VEGFC: variants seen among roughly 807,000 people sequenced by gnomAD.
VEGFC encodes the protein vascular endothelial growth factor C.
VEGFC carries 12 observed loss-of-function variants against 46.1 expected under a neutral mutation model. The ratio of observed to expected loss-of-function variants is 0.26; its 90% CI spans 0.17 to 0.42. The LOEUF is 0.42. Ranked by LOEUF, VEGFC falls within the 10% of genes least tolerant of loss-of-function variation. The pLI is 1.00. For synonymous variants in VEGFC, 232 were observed against 195.5 expected (o/e 1.19, Z -1.56); for missense variants, 488 against 529.4 (o/e 0.92, Z 0.77).
At chr4:176,688,014 C>A in intron 4 of VEGFC, 87 bp from the exon 5 acceptor site, 6 of 654,262 alleles carry the variant, frequency 9.2e-6, no homozygotes, top group South Asian at 2.4e-5. Flanking sequence ...CAAAATAATG[C>A]TCATAGAAAA....
At chr4:176,785,274 C>T (rs1385901373) in intron 1 of VEGFC, among the ~76,000 whole-genome samples, 1 of 152,176 alleles carries the variant, frequency 6.6e-6, no homozygotes, top group Non-Finnish European at 1.5e-5. Flanking sequence ...AGTCAAACCA[C>T]ATCTTTCTGG....
intron 4 of VEGFC, among the ~76,000 whole-genome samples, chr4:176,695,065 A>G: frequency 7.5e-6 from 1 of 133,792 alleles, no homozygotes; most frequent in African/African-American, 3.0e-5. Context: ...TCACAATTAA[A>G]AGAACTAGAA....
intron 1 of VEGFC, among the ~76,000 whole-genome samples, chr4:176,775,192 T>C (rs1735794680): frequency 6.6e-6 from 1 of 152,164 alleles, no homozygotes; most frequent in Non-Finnish European, 1.5e-5. Flanking sequence ...ATAAAACCTT[T>C]AATCATTTCA....
intron 3 of VEGFC, among the ~76,000 whole-genome samples, chr4:176,724,071 C>T (rs1734834937): frequency 1.3e-5 from 2 of 152,172 alleles, no homozygotes; most frequent in Admixed American, 1.3e-4. Flanking sequence ...TTCTGTTCCT[C>T]TCCAGAAACA....
At chr4:176,789,812 A>G (rs938410654) in intron 1 of VEGFC, among the ~76,000 whole-genome samples, 7 of 152,186 alleles carry the variant, frequency 4.6e-5, no homozygotes, top group South Asian at 2.1e-4. Flanking sequence ...GCATGGCTTT[A>G]CGGGTGGGCT....
rs143661360 is a variant in VEGFC at position 176,701,663 on chromosome 4, T to C, written c.704+9836A>G. On this transcript the variant is annotated intron_variant, in intron 4 of 6. Coordinates refer to ENST00000618562, the MANE Select transcript of VEGFC (RefSeq NM_005429.5). The stretch of plus-strand genomic sequence containing the variant: ...TCCATTCACATCAACAGGTGATCCT[T>C]TGAAGTGTGAGACAATGTTTAGATA... Among the ~76,000 whole-genome samples, 101 of 152,276 alleles carry C rather than the reference T, an allele frequency of 6.6e-4. No homozygotes were observed. The East Asian group carries it at 0.014, about 21-fold the overall frequency.
At chr4:176,702,996 G>C (rs1424276169) in intron 4 of VEGFC, among the ~76,000 whole-genome samples, 1 of 152,046 alleles carries the variant, frequency 6.6e-6, no homozygotes, top group Non-Finnish European at 1.5e-5. Context: ...AAGCTGCACT[G>C]TATAATATCT....
At chr4:176,766,597 A>T (rs1735628103) in intron 1 of VEGFC, among the ~76,000 whole-genome samples, 1 of 152,070 alleles carries the variant, frequency 6.6e-6, no homozygotes, top group East Asian at 1.9e-4. Context: ...AAAAAAAAAA[A>T]AAAAAACAAG....
Position 176,750,309 on chromosome 4 carries a change from A to G in VEGFC, c.148-20563T>C, listed in dbSNP as rs1418965821. ...GATTTATCAAACTCACATATTAGTG[A>G]TAATCAAATTAGATTTTTATAAAAC... On this transcript the variant is annotated intron_variant, in intron 1 of 6. Transcript: ENST00000618562. Among the ~76,000 whole-genome samples the G allele has an allele frequency of 2.0e-5, 3 of 151,812 alleles. No individual in the cohort carries two copies. In the East Asian group the frequency reaches 5.8e-4, roughly 29 times the overall value.
chr4:176,728,610 G>C (rs966339404), intron 2 of VEGFC, among the ~76,000 whole-genome samples: 3 of 152,078 alleles, frequency 2.0e-5, no homozygotes, highest in Non-Finnish European at 4.4e-5. Flanking sequence ...TGTTTCTGAT[G>C]AGTTAGTAGC....
chr4:176,722,918 T>C (rs768892891), intron 3 of VEGFC, among the ~76,000 whole-genome samples: 1 of 152,166 alleles, frequency 6.6e-6, no homozygotes, highest in African/African-American at 2.4e-5. Flanking sequence ...CAATACCCAC[T>C]GGGTGAATGT....
chr4:176,683,772 C>G lies in VEGFC; in HGVS notation c.*154G>C. ...AGGCCTTTTGCAGATGAGCTCCAGTCCATTTCTGTAAAGTTATCCACATGG... is the reference window on the plus strand; with the variant it reads ...AGGCCTTTTGCAGATGAGCTCCAGTGCATTTCTGTAAAGTTATCCACATGG... On this transcript the variant is annotated 3_prime_UTR_variant, in exon 7 of 7. Transcript: ENST00000618562. The G allele has an allele frequency of 1.8e-6, 1 of 563,814 alleles. No individual in the cohort carries two copies. 34.9% of individuals were successfully genotyped at this position (563,814 alleles called of 1,614,324 possible).
chr4:176,754,254 G>A (rs1290633576), intron 1 of VEGFC, among the ~76,000 whole-genome samples: 1 of 150,632 alleles, frequency 6.6e-6, no homozygotes, highest in Non-Finnish European at 1.5e-5. Context: ...TACTTGAGGT[G>A]ACTTTACCTC....
Position 176,792,302 on chromosome 4 carries a change from G to A in VEGFC, c.10C>T (p.Leu4=), listed in dbSNP as rs764955815. The A allele has an allele frequency of 6.6e-7, 1 of 1,514,884 alleles. No homozygotes were observed. The highest frequency in any genetic ancestry group is 1.2e-5 in the South Asian group (1 of 82,324). The allele number at this position is 1,514,884 out of a possible 1,614,324, so 93.8% of individuals were successfully genotyped here. The change falls in exon 1 of 7, where the codon CTG becomes TTG. Residue 4 remains leucine (L), a synonymous_variant. Coordinates refer to ENST00000618562, the MANE Select transcript of VEGFC (RefSeq NM_005429.5). This position sits in a 1 kb window ranked among gnomAD's most constrained non-coding sequence, Gnocchi z 6.3. ...GAACACGCCACAGAGAAGAAGCCCA[G>A]CAAGTGCATGGTGGAAGGACCGGGG... is the stretch of plus-strand genomic sequence containing the variant. MHL[L]GFFSVACSLL... is the part of the protein sequence containing the mutation.
intron 4 of VEGFC, among the ~76,000 whole-genome samples, chr4:176,709,600 A>C (rs1734588321): frequency 6.6e-6 from 1 of 152,184 alleles, no homozygotes; most frequent in Non-Finnish European, 1.5e-5. Flanking sequence ...GAATAGAAAC[A>C]AGATACAGAG....
intron 1 of VEGFC, among the ~76,000 whole-genome samples, chr4:176,767,050 GA>G (rs1466555106): frequency 7.6e-6 from 1 of 131,208 alleles, no homozygotes; most frequent in Non-Finnish European, 1.6e-5. Context: ...GTAAGAGATG[GA>G]AGAAGATATC....
chr4:176,745,065 G>A (rs1735238863), intron 1 of VEGFC, among the ~76,000 whole-genome samples: 1 of 151,998 alleles, frequency 6.6e-6, no homozygotes, highest in Non-Finnish European at 1.5e-5. Flanking sequence ...CTACGTGCTA[G>A]TAACTGACCA....
chr4:176,768,855 A>G (rs1365966479), intron 1 of VEGFC, among the ~76,000 whole-genome samples: 4 of 152,000 alleles, frequency 2.6e-5, no homozygotes, highest in Non-Finnish European at 5.9e-5. Flanking sequence ...AACTCCAGTA[A>G]AGGCTGTGGC....
At chr4:176,738,785 ACTT>A (rs1273052313) in intron 1 of VEGFC, among the ~76,000 whole-genome samples, 1 of 151,962 alleles carries the variant, frequency 6.6e-6, no homozygotes, top group Non-Finnish European at 1.5e-5. Flanking sequence ...ATGGGAGAAA[ACTT>A]CTGCAATCTA....
Sources: gnomAD v4.1 joint callset for allele counts (sites outside exome capture counted in the v4.1 genomes callset) on GRCh38, gnomAD v4.1.1 for gene constraint, Gnocchi (gnomAD v3.1) non-coding constraint, MANE v1.5 for transcripts, NCBI Gene and HGNC (gene_info 2026-07-23, HGNC 2026-07-21) for gene names.